The following SCAF8 variants were observed in gnomAD, a reference collection of about 807,000 sequenced individuals.
The protein encoded by SCAF8 is SR-related CTD associated factor 8, also known as SR-related and CTD-associated factor 8.
SCAF8 carries 23 observed loss-of-function variants against 140.5 expected under a neutral mutation model. The ratio of observed to expected loss-of-function variants is 0.16; its 90% CI spans 0.12 to 0.23. SCAF8 has a LOEUF of 0.23. Among genes scored for constraint, SCAF8 ranks in the 10% least tolerant of loss-of-function variants. The pLI is 1.00. For missense variants in SCAF8, 1,397 were observed against 1,555.7 expected (o/e 0.90, Z 1.72); for synonymous variants, 575 against 528.9 (o/e 1.09, Z -1.20).
At position 154,802,991 on chromosome 6, in the gene SCAF8, TATC is replaced by T. The variant is rs373855404; in HGVS notation, c.784-550_784-548del. Among the ~76,000 whole-genome samples, 323 of 152,348 alleles carry T rather than the reference TATC, an allele frequency of 2.1e-3. 1 individual carries two copies. Among genetic ancestry groups the T allele is most frequent in the African/African-American group, 7.4e-3 (306 of 41,578 alleles). On this transcript the variant is annotated intron_variant, in intron 7 of 19. Coordinates refer to ENST00000367178, the MANE Select transcript of SCAF8 (RefSeq NM_014892.5). ...TTAGTATGCTTATTAATTATGGGAA[TATC>T]ATACTACTTGGAAGTGGTGTTCATA... is the stretch of plus-strand genomic sequence containing the variant.
chr6:154,737,548 G>A (rs1372146099), intron 1 of SCAF8, among the ~76,000 whole-genome samples: 2 of 152,080 alleles, frequency 1.3e-5, no homozygotes, highest in Admixed American at 6.5e-5. Flanking sequence ...AGCTGGTCAC[G>A]GTGGCATGTG....
intron 4 of SCAF8, among the ~76,000 whole-genome samples, chr6:154,789,766 C>T (rs1444927189): frequency 3.3e-5 from 5 of 152,020 alleles, no homozygotes; most frequent in African/African-American, 9.7e-5. Context: ...AGGATGGTCT[C>T]GATCTCCTGA....
chr6:154,776,170 C>A (rs1421259969), intron 2 of SCAF8, among the ~76,000 whole-genome samples: 1 of 151,880 alleles, frequency 6.6e-6, no homozygotes, highest in African/African-American at 2.4e-5. Flanking sequence ...CAGTCAAGAT[C>A]ACACATTATA....
intron 3 of SCAF8, among the ~76,000 whole-genome samples, chr6:154,779,886 C>T (rs974286658): frequency 6.6e-5 from 10 of 151,704 alleles, no homozygotes; most frequent in African/African-American, 2.4e-4. Flanking sequence ...ATCCCATGTG[C>T]CCCTCACTCA....
chr6:154,827,985 G>A (rs886663004), intron 18 of SCAF8, among the ~76,000 whole-genome samples: 7 of 152,092 alleles, frequency 4.6e-5, no homozygotes, highest in Non-Finnish European at 1.0e-4. Context: ...AGAGTGGTAC[G>A]TATATTACAA....
chr6:154,811,664 TCTC>T (rs1260423399), intron 12 of SCAF8, among the ~76,000 whole-genome samples: 4 of 152,100 alleles, frequency 2.6e-5, no homozygotes, highest in Non-Finnish European at 5.9e-5. Context: ...ATTAGGTATT[TCTC>T]CTAATGCTAC....
chr6:154,733,751 C>T lies in SCAF8; in HGVS notation c.-150C>T. Reference sequence around the variant, plus strand: ...GAGCCCTTCCCCGCCAGCGCGTGCCCTTCCACTCCGCCCCGAGGTCGCAGC... The same window carrying T: ...GAGCCCTTCCCCGCCAGCGCGTGCCTTTCCACTCCGCCCCGAGGTCGCAGC... On this transcript the variant is annotated 5_prime_UTR_variant, in exon 1 of 20. Transcript: ENST00000367178. 1 of 1,351,674 alleles carries T rather than the reference C, an allele frequency of 7.4e-7. No individual in the cohort carries two copies. The highest frequency in any genetic ancestry group is 9.5e-7 in the Non-Finnish European group (1 of 1,056,922). 83.7% of individuals were successfully genotyped at this position (1,351,674 alleles called of 1,614,324 possible). A position where few individuals can be genotyped will look rare whatever the true frequency, so the allele number is the denominator to read the frequency against.
intron 9 of SCAF8, 90 bp from the exon 10 acceptor site, chr6:154,807,980 C>A: frequency 1.7e-6 from 2 of 1,150,618 alleles, no homozygotes; most frequent in Non-Finnish European, 2.4e-6. Flanking sequence ...TGTTTTTAAA[C>A]ATGTAATTGT....
At position 154,795,058 on chromosome 6, in the gene SCAF8, T is replaced by C. The variant is rs1777560804; in HGVS notation, c.525T>C (p.Pro175=). The change falls in exon 6 of 20, where the codon CCT becomes CCC. Residue 175 remains proline, a synonymous_variant. Transcript: ENST00000367178. ...VTPANVVQGL[P]DPWVSQITNT... ...CGGCCAATGTGGTCCAAGGCTTACC[T>C]GATCCGTGGGTATCTCAGATAACAA... 1 of 1,613,444 alleles carries C rather than the reference T, an allele frequency of 6.2e-7. No homozygotes were observed. Among genetic ancestry groups the C allele is most frequent in the African/African-American group, 1.3e-5 (1 of 74,896 alleles).
At chr6:154,739,442 A>G (rs951740871) in intron 1 of SCAF8, among the ~76,000 whole-genome samples, 3 of 152,236 alleles carry the variant, frequency 2.0e-5, no homozygotes, top group Non-Finnish European at 4.4e-5. Flanking sequence ...TTGTATAGCT[A>G]GTGTATTACA....
At position 154,818,519 on chromosome 6, in the gene SCAF8, A is replaced by T; in HGVS notation, c.1562A>T (p.His521Leu). 1 of 1,610,388 alleles carries T rather than the reference A, an allele frequency of 6.2e-7. No homozygotes were observed. The highest frequency in any genetic ancestry group is 8.5e-7 in the Non-Finnish European group (1 of 1,178,366). Reference sequence around the variant, plus strand: ...GGCTGTGCTTATGTCTGCATGGTTCATCGACAAGATGCATTTCGAGCTCTT... The same window carrying T: ...GGCTGTGCTTATGTCTGCATGGTTCTTCGACAAGATGCATTTCGAGCTCTT... Reference protein sequence around the residue: ...PRGCAYVCMVHRQDAFRALQK... With the variant: ...PRGCAYVCMVLRQDAFRALQK... The change falls in exon 14 of 20, where the codon CAT becomes CTT. Residue 521 changes from histidine (H) to leucine (L), a missense_variant. Transcript: ENST00000367178.
In SCAF8 at chr6:154,809,448, C is replaced by T. The variant is rs563754094; in HGVS notation, c.1227-567C>T. Among the ~76,000 whole-genome samples, 44 of 152,210 alleles carry T rather than the reference C, an allele frequency of 2.9e-4. 1 individual carries two copies. The highest frequency in any genetic ancestry group is 9.1e-4 in the African/African-American group (38 of 41,538). On this transcript the variant is annotated intron_variant, in intron 11 of 19. Coordinates refer to ENST00000367178, the MANE Select transcript of SCAF8 (RefSeq NM_014892.5). ...AGTTCAACTTTCTCTAAACCCACCG[C>T]GTATCACTGAATTATTTTCCTGAAG...
chr6:154,745,391 TAGAC>T (rs931425897), intron 1 of SCAF8, among the ~76,000 whole-genome samples: 3 of 151,944 alleles, frequency 2.0e-5, no homozygotes, highest in African/African-American at 4.8e-5. Context: ...TTTTTTTAAA[TAGAC>T]AGGGATCTTG....
chr6:154,827,049 A>G, intron 17 of SCAF8, 123 bp from the exon 18 acceptor site: 1 of 737,210 alleles, frequency 1.4e-6, no homozygotes, highest in Non-Finnish European at 2.2e-6. Context: ...GAAAAAATAT[A>G]TATAAATATG....
intron 3 of SCAF8, among the ~76,000 whole-genome samples, chr6:154,778,357 A>T (rs1339157690): frequency 6.6e-6 from 1 of 152,206 alleles, no homozygotes; most frequent in Non-Finnish European, 1.5e-5. Context: ...GCGGGATTTG[A>T]AGTGAGATTT....
At position 154,832,961 on chromosome 6, in the gene SCAF8, T is replaced by C. The variant is rs758698778; in HGVS notation, c.3382T>C (p.Tyr1128His). 3.1e-6 allele frequency: 5 copies of C among 1,614,130 alleles called. No individual in the cohort carries two copies. In the East Asian group the frequency reaches 6.7e-5, roughly 22 times the overall value. ...AAGAGGTAGATTTCGGTCTGGAAACTATCGATTTGATCCTAGAAGTGGTCC... is the reference window on the plus strand; with the variant it reads ...AAGAGGTAGATTTCGGTCTGGAAACCATCGATTTGATCCTAGAAGTGGTCC... Reference protein sequence around the residue: ...EERGRFRSGNYRFDPRSGPWN... With the variant: ...EERGRFRSGNHRFDPRSGPWN... The change falls in exon 20 of 20, where the codon TAT becomes CAT. Residue 1128 changes from tyrosine (Y) to histidine (H), a missense_variant. Tyr to His is a moderately conservative substitution (Grantham distance 83, BLOSUM62 2). Transcript: ENST00000367178.
chr6:154,813,082 C>G (rs572561611), intron 12 of SCAF8, among the ~76,000 whole-genome samples: 3 of 151,392 alleles, frequency 2.0e-5, no homozygotes, highest in Non-Finnish European at 4.4e-5. Flanking sequence ...GTTCACACTT[C>G]TGTAGTCCCA....
At chr6:154,796,413 C>T (rs1422907468) in intron 6 of SCAF8, among the ~76,000 whole-genome samples, 2 of 145,860 alleles carry the variant, frequency 1.4e-5, no homozygotes, top group Non-Finnish European at 3.0e-5. Flanking sequence ...TTTTCTGACC[C>T]TCAAATTCAC....
chr6:154,745,117 C>T (rs1347246255), intron 1 of SCAF8, among the ~76,000 whole-genome samples: 1 of 152,220 alleles, frequency 6.6e-6, no homozygotes, highest in African/African-American at 2.4e-5. Flanking sequence ...CTTACATTCA[C>T]TTGTCTTAGT....
Sources: allele counts gnomAD v4.1 joint callset (sites outside exome capture counted in the v4.1 genomes callset), GRCh38; gene constraint gnomAD v4.1.1; transcripts MANE v1.5; gene names NCBI Gene and HGNC (gene_info 2026-07-23, HGNC 2026-07-21).